RALYL: variants seen among roughly 807,000 people sequenced by gnomAD.
RALYL encodes the protein RALY RNA binding protein like.
In RALYL, 29 loss-of-function variants were observed where a neutral mutation model predicts 35.1. That is an observed-to-expected ratio of 0.83 (90% CI 0.61 to 1.13). The LOEUF (loss-of-function observed/expected upper bound fraction) is 1.13, where lower values mean the gene tolerates loss of function less well. Among genes scored for constraint, RALYL ranks in the 50% most tolerant of loss-of-function variants. RALYL has a pLI of 0.00. For missense variants in RALYL, 359 were observed against 360.4 expected (o/e 1.00, Z 0.03); for synonymous variants, 120 against 127.6 (o/e 0.94, Z 0.40).
intron 2 of RALYL, among the ~76,000 whole-genome samples, chr8:84,769,835 T>G (rs1814999684): frequency 6.6e-6 from 1 of 152,198 alleles, no homozygotes; most frequent in Non-Finnish European, 1.5e-5. Flanking sequence ...CTTAAATTCC[T>G]TATTAGTTAT....
At chr8:84,741,769 GCTCCA>G (rs1807384821) in intron 2 of RALYL, among the ~76,000 whole-genome samples, 1 of 151,900 alleles carries the variant, frequency 6.6e-6, no homozygotes, top group Non-Finnish European at 1.5e-5. Context: ...AAAAGAATTT[GCTCCA>G]GAGTGTATAA....
At chr8:84,852,873 C>T (rs1413844903) in intron 5 of RALYL, among the ~76,000 whole-genome samples, 2 of 152,148 alleles carry the variant, frequency 1.3e-5, no homozygotes, top group African/African-American at 2.4e-5. Flanking sequence ...CGTGCCTGCC[C>T]TAGGTACAAT....
intron 1 of RALYL, among the ~76,000 whole-genome samples, chr8:84,273,903 C>G (rs1834831250): frequency 6.6e-6 from 1 of 152,176 alleles, no homozygotes; most frequent in Non-Finnish European, 1.5e-5. Context: ...TGTTTTCTCA[C>G]TTAGCATCAA....
intron 1 of RALYL, among the ~76,000 whole-genome samples, chr8:84,232,052 A>T (rs1326868909): frequency 3.3e-5 from 5 of 152,158 alleles, no homozygotes; most frequent in Non-Finnish European, 7.4e-5. Flanking sequence ...ATTTGGGGGA[A>T]AAAAGGTCTG....
chr8:84,343,937 G>C (rs1034017428), intron 1 of RALYL, among the ~76,000 whole-genome samples: 1 of 151,386 alleles, frequency 6.6e-6, no homozygotes, highest in Non-Finnish European at 1.5e-5. Flanking sequence ...TTATATAAAA[G>C]TTTAAAGATA....
intron 1 of RALYL, among the ~76,000 whole-genome samples, chr8:84,471,163 CA>C (rs1268734745): frequency 3.3e-5 from 5 of 152,160 alleles, no homozygotes; most frequent in African/African-American, 1.2e-4. Flanking sequence ...CAGAGAAAGT[CA>C]AATCACACCA....
intron 2 of RALYL, among the ~76,000 whole-genome samples, chr8:84,630,119 C>A (rs1273432247): frequency 6.6e-6 from 1 of 151,830 alleles, no homozygotes; most frequent in Admixed American, 6.6e-5. Flanking sequence ...CTAAGATTAG[C>A]ACAACAAATG....
At chr8:84,629,214 A>G (rs560338830) in intron 2 of RALYL, among the ~76,000 whole-genome samples, 1 of 152,152 alleles carries the variant, frequency 6.6e-6, no homozygotes, top group South Asian at 2.1e-4. Flanking sequence ...TATTGAATGT[A>G]TGCTCCAAGA....
In RALYL at chr8:84,539,866, ATATATATATATGTATATATATG is replaced by A. The variant is rs1564110604; in HGVS notation, c.256+10291_256+10312del. Among the ~76,000 whole-genome samples, 39 of 6,434 alleles carry A rather than the reference ATATATATATATGTATATATATG, an allele frequency of 6.1e-3. 1 individual carries two copies. In the East Asian group the frequency reaches 0.15, roughly 25 times the overall value. The allele number at this position is 6,434 out of a possible 152,430, so 4.2% of individuals were successfully genotyped here. A position where few individuals can be genotyped will look rare whatever the true frequency, so the allele number is the denominator to read the frequency against. On this transcript the variant is annotated intron_variant, in intron 2 of 8. Coordinates refer to ENST00000521268, the MANE Select transcript of RALYL (RefSeq NM_173848.7). ...TATATATATATATGTATATATATAT[ATATATATATATGTATATATATG>A]TGTGTGTGTGTGTGTGTGTGTACAT...
chr8:84,617,619 C>A (rs1349358310), intron 2 of RALYL, among the ~76,000 whole-genome samples: 1 of 148,894 alleles, frequency 6.7e-6, no homozygotes, highest in African/African-American at 2.5e-5. Context: ...GCCAGAACTT[C>A]CAACACTATG....
rs554480973 is a variant in RALYL, at chr8:84,354,421, T to C, written c.-24+169997T>C. Among the ~76,000 whole-genome samples, 164 of 150,392 alleles carry C rather than the reference T, an allele frequency of 1.1e-3. 6 individuals are homozygous for C. The South Asian group carries it at 0.032, about 30-fold the overall frequency. On this transcript the variant is annotated intron_variant, in intron 1 of 8. Transcript: ENST00000521268. ...GTGATGGGATTGGGATTAGACACCA[T>C]ACACCACAAAGTAAAACTTCTGAAG...
Position 84,596,926 on chromosome 8 carries a change from GT to G in RALYL, c.256+67350del, listed in dbSNP as rs549475418. On this transcript the variant is annotated intron_variant, in intron 2 of 8. Transcript: ENST00000521268. ...CAATAGAGCAGAAAGGGGGAGGCTG[GT>G]AGAGTCTCTCTGTTACTTAAAGAAG... is the stretch of plus-strand genomic sequence containing the variant. 1.1e-3 allele frequency among the ~76,000 whole-genome samples: 170 copies of G among 152,202 alleles called. 1 individual carries two copies. Among genetic ancestry groups the G allele is most frequent in the African/African-American group, 3.9e-3 (164 of 41,540 alleles).
At chr8:84,642,825 G>A (rs1215175273) in intron 2 of RALYL, among the ~76,000 whole-genome samples, 1 of 151,958 alleles carries the variant, frequency 6.6e-6, no homozygotes, top group Non-Finnish European at 1.5e-5. Context: ...AAGCTTTTGA[G>A]CCACCTCAAG....
At position 84,531,997 on chromosome 8, in the gene RALYL, A is replaced by G. The variant is rs142035381; in HGVS notation, c.256+2420A>G. On this transcript the variant is annotated intron_variant, in intron 2 of 8. Coordinates refer to ENST00000521268, the MANE Select transcript of RALYL (RefSeq NM_173848.7). ...TCTCATTCTCAGTCATTCCTCTTAG[A>G]TCCTCTCTTAGTTTTGTCCTCAGGT... is the stretch of plus-strand genomic sequence containing the variant. Among the ~76,000 whole-genome samples, 832 of 152,112 alleles carry G rather than the reference A, an allele frequency of 5.5e-3. 9 individuals carry two copies. Among genetic ancestry groups the G allele is most frequent in the African/African-American group, 0.019 (791 of 41,532 alleles).
chr8:84,654,230 A>G (rs1829444562), intron 2 of RALYL, among the ~76,000 whole-genome samples: 1 of 141,718 alleles, frequency 7.1e-6, no homozygotes, highest in Admixed American at 7.2e-5. Context: ...TTAAAACAAA[A>G]CAAACCACCA....
intron 2 of RALYL, among the ~76,000 whole-genome samples, chr8:84,606,815 T>C (rs1431706964): frequency 6.6e-6 from 1 of 152,172 alleles, no homozygotes; most frequent in African/African-American, 2.4e-5. Context: ...ATACCATACA[T>C]ATATTTGTTT....
chr8:84,621,314 GC>G (rs1821384984), intron 2 of RALYL, among the ~76,000 whole-genome samples: 1 of 152,174 alleles, frequency 6.6e-6, no homozygotes, highest in African/African-American at 2.4e-5. Flanking sequence ...CATTTTTTAA[GC>G]CCGTCGGAAA....
At chr8:84,596,945 T>C (rs937463441) in intron 2 of RALYL, among the ~76,000 whole-genome samples, 2 of 152,026 alleles carry the variant, frequency 1.3e-5, no homozygotes, top group Admixed American at 6.6e-5. Context: ...CTCTGTTACT[T>C]AAAGAAGCAG....
At position 84,827,123 on chromosome 8, in the gene RALYL, C is replaced by T. The variant is rs540071164; in HGVS notation, c.365+22321C>T. Among the ~76,000 whole-genome samples, 134 of 151,980 alleles carry T rather than the reference C, an allele frequency of 8.8e-4. 1 individual carries two copies. The highest frequency in any genetic ancestry group is 2.9e-3 in the African/African-American group (120 of 41,456). ...ATTTAATAAAAGTTTGAAATATGAACTTAAAAGATCAAAAAGATAAACAGA... is the reference window on the plus strand; with the variant it reads ...ATTTAATAAAAGTTTGAAATATGAATTTAAAAGATCAAAAAGATAAACAGA... On this transcript the variant is annotated intron_variant, in intron 4 of 8. Coordinates refer to ENST00000521268, the MANE Select transcript of RALYL (RefSeq NM_173848.7).
Sources: gnomAD v4.1 joint callset for allele counts (sites outside exome capture counted in the v4.1 genomes callset) on GRCh38, gnomAD v4.1.1 for gene constraint, MANE v1.5 for transcripts, NCBI Gene and HGNC (gene_info 2026-07-23, HGNC 2026-07-21) for gene names.